The following CDH12 variants were observed in gnomAD, a reference collection of about 807,000 sequenced individuals.
The protein encoded by CDH12 is cadherin 12.
In CDH12, 41 loss-of-function variants were observed where a neutral mutation model predicts 74.1. The observed-to-expected ratio is 0.55, with a 90% CI of 0.43 to 0.72. The LOEUF (loss-of-function observed/expected upper bound fraction) is 0.72. CDH12 is among the 30% of genes least tolerant of loss of function. The pLI, the probability that CDH12 is intolerant of heterozygous loss-of-function variation, is 0.00. For missense variants in CDH12, 945 were observed against 977.2 expected (o/e 0.97, Z 0.44); for synonymous variants, 399 against 355.0 (o/e 1.12, Z -1.39).
intron 1 of CDH12, among the ~76,000 whole-genome samples, chr5:22,825,205 C>T (rs1330622531): frequency 6.6e-6 from 1 of 151,962 alleles, no homozygotes; most frequent in African/African-American, 2.4e-5. Context: ...AAAAAATACC[C>T]TCTGTCTTTT....
chr5:22,236,474 T>C (rs959641526), intron 3 of CDH12, among the ~76,000 whole-genome samples: 31 of 152,034 alleles, frequency 2.0e-4, no homozygotes, highest in African/African-American at 7.5e-4. Flanking sequence ...GGCTCACACC[T>C]GTAATCCCGG....
rs1580290290 is a variant in CDH12 at position 22,125,558 on chromosome 5, A to G, written c.-186-46696T>C. Among the ~76,000 whole-genome samples, 5 of 152,152 alleles carry G rather than the reference A, an allele frequency of 3.3e-5. 1 individual carries two copies. Among genetic ancestry groups the G allele is most frequent in the Admixed American group, 3.3e-4 (5 of 15,282 alleles). ...ATTTTTTGTTGAGTTTTGTTTCTTT[A>G]GCGGCTTAGCCGTCTCTGCTGGTTT... On this transcript the variant is annotated intron_variant, in intron 4 of 14. Transcript: ENST00000382254.
chr5:22,571,504 T>C (rs1397835143), intron 1 of CDH12, among the ~76,000 whole-genome samples: 1 of 152,198 alleles, frequency 6.6e-6, no homozygotes, highest in Non-Finnish European at 1.5e-5. Context: ...TTTTGTATTT[T>C]TGGTAGATAC....
chr5:22,271,451 T>C (rs1442119885), intron 3 of CDH12, among the ~76,000 whole-genome samples: 1 of 152,216 alleles, frequency 6.6e-6, no homozygotes, highest in South Asian at 2.1e-4. Flanking sequence ...AGGTTGGGAA[T>C]TGACATCTTC....
At chr5:22,677,352 C>T (rs1487408) in intron 1 of CDH12, among the ~76,000 whole-genome samples, 17,814 of 152,064 alleles carry the variant, frequency 0.12, 1,366 homozygotes, top group Admixed American at 0.2. Context: ...AGTCAACAGA[C>T]GTCTTGATTT....
intron 1 of CDH12, among the ~76,000 whole-genome samples, chr5:22,553,075 C>A (rs11956574): frequency 0.16 from 24,293 of 151,908 alleles, 2,517 homozygotes; most frequent in East Asian, 0.37. Context: ...TAACTCCTTG[C>A]CTAAATAAAC....
At chr5:22,798,850 A>G (rs757662380) in intron 1 of CDH12, among the ~76,000 whole-genome samples, 1 of 152,134 alleles carries the variant, frequency 6.6e-6, no homozygotes, top group African/African-American at 2.4e-5. Context: ...ATGGTGGCTC[A>G]TGTCTGTAAT....
intron 4 of CDH12, among the ~76,000 whole-genome samples, chr5:22,211,202 C>T (rs1280600421): frequency 1.3e-5 from 2 of 152,094 alleles, no homozygotes; most frequent in Non-Finnish European, 2.9e-5. Context: ...GTCAGCACTT[C>T]AGGAAATACG....
At chr5:21,828,620 G>A (rs1748814300) in intron 8 of CDH12, among the ~76,000 whole-genome samples, 1 of 152,096 alleles carries the variant, frequency 6.6e-6, no homozygotes, top group African/African-American at 2.4e-5. Context: ...TTGCAAATTT[G>A]ATTTGTAAAT....
chr5:21,922,344 G>A (rs1754391630), intron 6 of CDH12, among the ~76,000 whole-genome samples: 1 of 152,110 alleles, frequency 6.6e-6, no homozygotes, highest in Non-Finnish European at 1.5e-5. Context: ...GAAAAAATGA[G>A]AAATCTCATT....
At chr5:22,605,650 C>G (rs1035432454) in intron 1 of CDH12, among the ~76,000 whole-genome samples, 2 of 152,208 alleles carry the variant, frequency 1.3e-5, no homozygotes, top group African/African-American at 4.8e-5. Context: ...CAGCTGGGCA[C>G]ATGGAGGGCA....
rs375587726 is a variant in CDH12, at chr5:22,551,890, G to A, written c.-522-46526C>T. ...TGTTTATTAGAATTATAGACATGAT[G>A]GTTTTATTTTATTTCCTTTTATCTT... On this transcript the variant is annotated intron_variant, in intron 1 of 14. Transcript: ENST00000382254. Among the ~76,000 whole-genome samples the A allele has an allele frequency of 3.0e-4, 45 of 152,056 alleles. No homozygotes were observed. The East Asian group carries it at 3.1e-3, about 10-fold the overall frequency.
rs70959753 is a variant in CDH12, at chr5:22,713,132, C to CTT, written c.-523+139924_-523+139925dup. Among the ~76,000 whole-genome samples the CTT allele has an allele frequency of 5.7e-4, 35 of 61,212 alleles. 1 individual carries two copies. The highest frequency in any genetic ancestry group is 7.4e-4 in the Non-Finnish European group (26 of 35,210). 40.2% of individuals were successfully genotyped at this position (61,212 alleles called of 152,430 possible). ...CTTTCCATATGATCTTATGCTAATT[C>CTT]TTTTTTTTTTTTTTTTTTTTTTTTT... is the stretch of plus-strand genomic sequence containing the variant. On this transcript the variant is annotated intron_variant, in intron 1 of 14. Coordinates refer to ENST00000382254, the MANE Select transcript of CDH12 (RefSeq NM_004061.5).
intron 1 of CDH12, among the ~76,000 whole-genome samples, chr5:22,511,087 G>A (rs1307004558): frequency 1.3e-5 from 2 of 151,932 alleles, no homozygotes; most frequent in Non-Finnish European, 2.9e-5. Flanking sequence ...TACAGACAGG[G>A]TTTCACCATG....
At chr5:22,699,672 T>G in intron 1 of CDH12, among the ~76,000 whole-genome samples, 1 of 152,144 alleles carries the variant, frequency 6.6e-6, no homozygotes, top group Middle Eastern at 3.4e-3. Context: ...TTAACCAAAC[T>G]CACAAATGTA....
intron 1 of CDH12, among the ~76,000 whole-genome samples, chr5:22,674,940 A>C (rs1181093553): frequency 6.6e-6 from 1 of 152,182 alleles, no homozygotes; most frequent in African/African-American, 2.4e-5. Context: ...CTGTTTTAAA[A>C]GGGAAACAGA....
intron 3 of CDH12, among the ~76,000 whole-genome samples, chr5:22,329,526 C>A (rs1318810592): frequency 6.6e-6 from 1 of 152,152 alleles, no homozygotes; most frequent in Non-Finnish European, 1.5e-5. Flanking sequence ...ACCATCTGCA[C>A]ACAGAAAAGC....
intron 1 of CDH12, among the ~76,000 whole-genome samples, chr5:22,564,146 T>C (rs373444355): frequency 1.3e-5 from 2 of 152,236 alleles, no homozygotes; most frequent in African/African-American, 2.4e-5. Context: ...ATTTTGCTGC[T>C]GATCATTTTT....
At chr5:22,850,972 C>T (rs1737527027) in intron 1 of CDH12, among the ~76,000 whole-genome samples, 1 of 152,054 alleles carries the variant, frequency 6.6e-6, no homozygotes, top group Admixed American at 6.6e-5. Context: ...ATATCCCAGA[C>T]TGTTACATGA....
Sources: gnomAD v4.1 joint callset for allele counts (sites outside exome capture counted in the v4.1 genomes callset) on GRCh38, gnomAD v4.1.1 for gene constraint, MANE v1.5 for transcripts, NCBI Gene and HGNC (gene_info 2026-07-23, HGNC 2026-07-21) for gene names.